FER: variants seen among roughly 807,000 people sequenced by gnomAD.
FER encodes FER tyrosine kinase.
FER carries 63 observed loss-of-function variants against 111.0 expected under a neutral mutation model. The observed-to-expected ratio is 0.57, with a 90% CI of 0.46 to 0.70. The LOEUF (loss-of-function observed/expected upper bound fraction) is 0.70. FER is among the 30% of genes least tolerant of loss of function. The pLI is 0.00. For missense variants in FER, 914 were observed against 954.0 expected, an observed-to-expected ratio of 0.96 and a Z score of 0.55; for synonymous variants, 327 against 313.9, an observed-to-expected ratio of 1.04 and a Z score of -0.44.
At chr5:108,973,493 G>GT (rs201662357) in intron 13 of FER, among the ~76,000 whole-genome samples, 17,062 of 150,686 alleles carry the variant, frequency 0.11, 1,042 homozygotes, top group Middle Eastern at 0.16. Flanking sequence ...ACTTCTTTTT[G>GT]TTTTTTTTTG....
At chr5:108,899,087 C>CA (rs762675202) in intron 10 of FER, among the ~76,000 whole-genome samples, 1,534 of 49,136 alleles carry the variant, frequency 0.031, 14 homozygotes, top group South Asian at 0.071. Flanking sequence ...GTCTCCATAG[C>CA]AAAAAAAAAA....
intron 17 of FER, among the ~76,000 whole-genome samples, chr5:109,121,309 G>T (rs757686085): frequency 1.3e-5 from 2 of 152,126 alleles, no homozygotes; most frequent in African/African-American, 4.8e-5. Flanking sequence ...ATGAAAACAT[G>T]TTGAATTTTG....
intron 17 of FER, 22 bp downstream of exon 17, chr5:109,100,541 C>A: frequency 6.3e-7 from 1 of 1,586,210 alleles, no homozygotes; most frequent in Non-Finnish European, 8.6e-7. Flanking sequence ...ATTTTTAAAG[C>A]AATTTTTGGT....
intron 13 of FER, among the ~76,000 whole-genome samples, chr5:109,000,787 A>C (rs1400389505): frequency 6.6e-6 from 1 of 152,142 alleles, no homozygotes; most frequent in Non-Finnish European, 1.5e-5. Flanking sequence ...AGAGAGAGGA[A>C]TCAAATAGAC....
chr5:108,897,085 T>G (rs2150325866), intron 9 of FER, among the ~76,000 whole-genome samples: 1 of 152,308 alleles, frequency 6.6e-6, no homozygotes, highest in South Asian at 2.1e-4. Flanking sequence ...ATACTGTATT[T>G]ATATTGGAGA....
At chr5:109,033,486 C>T (rs1318848550) in intron 13 of FER, among the ~76,000 whole-genome samples, 7 of 152,120 alleles carry the variant, frequency 4.6e-5, no homozygotes, top group Admixed American at 6.6e-5. Context: ...AGCAACTCCC[C>T]ATTCTCCAAC....
chr5:108,875,604 G>T (rs1390275372), intron 8 of FER, among the ~76,000 whole-genome samples: 2 of 152,056 alleles, frequency 1.3e-5, no homozygotes, highest in African/African-American at 4.8e-5. Flanking sequence ...AACATTAGAA[G>T]AATATATTTA....
At chr5:109,105,440 T>G (rs1340401149) in intron 17 of FER, among the ~76,000 whole-genome samples, 1 of 152,128 alleles carries the variant, frequency 6.6e-6, no homozygotes, top group Non-Finnish European at 1.5e-5. Flanking sequence ...AAAAAGTATT[T>G]TGTCCTTGGT....
intron 13 of FER, among the ~76,000 whole-genome samples, chr5:109,016,236 A>G (rs1045647236): frequency 2.0e-5 from 3 of 151,770 alleles, no homozygotes; most frequent in Non-Finnish European, 4.4e-5. Context: ...AGCATACAAT[A>G]TATTGTTAAT....
chr5:108,906,210 G>A (rs1257691275), intron 10 of FER, among the ~76,000 whole-genome samples: 1 of 152,152 alleles, frequency 6.6e-6, no homozygotes, highest in African/African-American at 2.4e-5. Context: ...TAGTAAACTA[G>A]TATTGTCTAA....
intron 13 of FER, among the ~76,000 whole-genome samples, chr5:108,997,635 A>T (rs187193641): frequency 9.3e-4 from 142 of 152,132 alleles, no homozygotes; most frequent in African/African-American, 3.1e-3. Flanking sequence ...AGGCAGTCTT[A>T]CCCTTAGCAG....
In FER at chr5:108,924,828, GC is replaced by G. The variant is rs934853822; in HGVS notation, c.1237-21298del. On this transcript the variant is annotated intron_variant, in intron 10 of 19. Coordinates refer to ENST00000281092, the MANE Select transcript of FER (RefSeq NM_005246.4). ...CTGCCACAGGCCTACTTTACCCAGG[GC>G]CCCAGACATTATCTAAGAGTCCAGC... 5.2e-5 allele frequency: 64 copies of G among 1,222,124 alleles called. No homozygotes were observed. The African/African-American group carries it at 9.5e-4, about 18-fold the overall frequency. The allele number at this position is 1,222,124 out of a possible 1,614,324, so 75.7% of individuals were successfully genotyped here.
intron 13 of FER, among the ~76,000 whole-genome samples, chr5:109,017,965 C>G (rs1028620300): frequency 2.6e-5 from 4 of 151,776 alleles, no homozygotes; most frequent in African/African-American, 4.8e-5. Context: ...TTCATTTTCT[C>G]TATAGATTCT....
At chr5:108,974,402 C>T (rs575873596) in intron 13 of FER, among the ~76,000 whole-genome samples, 2 of 152,268 alleles carry the variant, frequency 1.3e-5, no homozygotes, top group Admixed American at 1.3e-4. Context: ...AGAGGAGGTG[C>T]ATCTGATCTT....
chr5:108,890,675 C>G (rs1747897960), intron 9 of FER, among the ~76,000 whole-genome samples: 1 of 152,168 alleles, frequency 6.6e-6, no homozygotes, highest in East Asian at 1.9e-4. Flanking sequence ...TGAAACAACC[C>G]TGTTTCCAAA....
intron 17 of FER, among the ~76,000 whole-genome samples, chr5:109,146,035 A>G (rs1421251410): frequency 6.6e-6 from 1 of 151,332 alleles, no homozygotes; most frequent in East Asian, 1.9e-4. Context: ...TACAGATGAC[A>G]TACCAGGCAA....
intron 10 of FER, among the ~76,000 whole-genome samples, chr5:108,927,252 C>CTTTTTCTTTTTTTTTTTTTTTTT (rs1753877599): frequency 1.0e-5 from 1 of 95,254 alleles, no homozygotes; most frequent in Non-Finnish European, 1.9e-5. Flanking sequence ...AGAAGTGGCT[C>CTTTTTCTTTTTTTTTTTTTTTTT]TTTTTTTTTT....
chr5:108,793,816 C>T (rs917806578), intron 2 of FER, among the ~76,000 whole-genome samples: 1 of 151,820 alleles, frequency 6.6e-6, no homozygotes, highest in African/African-American at 2.4e-5. Flanking sequence ...TTGAGGTTAC[C>T]ATGAAGCTTG....
chr5:109,100,622 C>A, intron 17 of FER, 103 bp downstream of exon 17: 5 of 1,186,112 alleles, frequency 4.2e-6, no homozygotes, highest in South Asian at 1.5e-5. Context: ...TGAAACATGT[C>A]TTTTCTTGTT....
Sources: allele counts gnomAD v4.1 joint callset (sites outside exome capture counted in the v4.1 genomes callset), GRCh38; gene constraint gnomAD v4.1.1; transcripts MANE v1.5; gene names NCBI Gene and HGNC (gene_info 2026-07-23, HGNC 2026-07-21).